The following TMTC1 variants were observed in gnomAD, a reference collection of about 807,000 sequenced individuals.
TMTC1 encodes protein O-mannosyl-transferase TMTC1.
TMTC1 carries 73 observed loss-of-function variants against 104.8 expected under a neutral mutation model. That is an observed-to-expected ratio of 0.70 (90% CI 0.58 to 0.85). The LOEUF is 0.85. Among genes scored for constraint, TMTC1 ranks in the 40% least tolerant of loss-of-function variants. The probability of loss-of-function intolerance (pLI) is 0.00; values close to 1 mark genes in which losing one functional copy is unlikely to be tolerated. For synonymous variants in TMTC1, 434 were observed against 428.7 expected (o/e 1.01, Z -0.15); for missense variants, 1,035 against 1,096.1 (o/e 0.94, Z 0.79).
At chr12:29,766,917 T>A (rs1734953668) in intron 2 of TMTC1, among the ~76,000 whole-genome samples, 1 of 151,642 alleles carries the variant, frequency 6.6e-6, no homozygotes, top group South Asian at 2.1e-4. Context: ...ATGGAATGAT[T>A]AAATAAATAT....
chr12:29,572,584 A>G (rs73071556), intron 8 of TMTC1, among the ~76,000 whole-genome samples: 20,864 of 152,160 alleles, frequency 0.14, 2,013 homozygotes, highest in African/African-American at 0.27. Context: ...GGAGGGTCCA[A>G]TGGTATATCT....
chr12:29,737,827 C>T (rs918192298), intron 5 of TMTC1, among the ~76,000 whole-genome samples: 18 of 152,278 alleles, frequency 1.2e-4, no homozygotes, highest in Admixed American at 7.2e-4. Context: ...TTCCCAAGGG[C>T]GTGGTGACAG....
At chr12:29,776,614 T>C (rs540574669) in intron 1 of TMTC1, among the ~76,000 whole-genome samples, 1 of 152,308 alleles carries the variant, frequency 6.6e-6, no homozygotes, top group South Asian at 2.1e-4. Context: ...AAATCTTGAG[T>C]CCCTACTTTG....
chr12:29,783,623 G>C lies in TMTC1; in HGVS notation c.129C>G (p.Arg43=), dbSNP rs1943889473. The change falls in exon 1 of 18, where the codon CGC becomes CGG. Residue 43 remains arginine (R), a synonymous_variant. Coordinates refer to ENST00000539277, the MANE Select transcript of TMTC1 (RefSeq NM_001193451.2). The surrounding 1 kb of genome is among the most constrained non-coding windows in gnomAD (Gnocchi z 4.7). ...CGTGCACGAACTCGCCCTGCAGGGA[G>C]CGGCCGTAGCACAGGCAGCTTGCCC... ...LAGASCLCYG[R]SLQGEFVHDD... The C allele has an allele frequency of 6.8e-7, 1 of 1,466,822 alleles. No individual in the cohort carries two copies. The highest frequency in any genetic ancestry group is 1.3e-5 in the South Asian group (1 of 76,732). 90.9% of individuals were successfully genotyped at this position (1,466,822 alleles called of 1,614,324 possible). A position where few individuals can be genotyped will look rare whatever the true frequency, so the allele number is the denominator to read the frequency against.
intron 5 of TMTC1, among the ~76,000 whole-genome samples, chr12:29,705,169 C>A (rs1405282774): frequency 2.6e-5 from 4 of 152,256 alleles, no homozygotes; most frequent in Non-Finnish European, 5.9e-5. Context: ...GGGGAGGATG[C>A]TACTGGAGGG....
chr12:29,609,527 A>G (rs1284875423), intron 6 of TMTC1, among the ~76,000 whole-genome samples: 3 of 152,176 alleles, frequency 2.0e-5, no homozygotes, highest in Non-Finnish European at 4.4e-5. Context: ...CCTCCACTTG[A>G]GCAAATCCAG....
At chr12:29,702,910 C>T (rs951351952) in intron 5 of TMTC1, among the ~76,000 whole-genome samples, 1 of 151,926 alleles carries the variant, frequency 6.6e-6, no homozygotes, top group Non-Finnish European at 1.5e-5. Context: ...TTTGGGAGGC[C>T]GAGGCAGGTG....
intron 5 of TMTC1, among the ~76,000 whole-genome samples, chr12:29,737,443 G>T (rs1942708922): frequency 6.6e-6 from 1 of 152,218 alleles, no homozygotes; most frequent in Admixed American, 6.5e-5. Flanking sequence ...GAACCTGGGA[G>T]GCGGGGGTTG....
intron 8 of TMTC1, among the ~76,000 whole-genome samples, chr12:29,577,962 C>G (rs1945869815): frequency 6.6e-6 from 1 of 151,966 alleles, no homozygotes; most frequent in South Asian, 2.1e-4. Context: ...CTTTTTCTAT[C>G]TAGAACTAAA....
intron 5 of TMTC1, among the ~76,000 whole-genome samples, chr12:29,695,209 G>C (rs1941381700): frequency 6.6e-6 from 1 of 152,066 alleles, no homozygotes; most frequent in Non-Finnish European, 1.5e-5. Flanking sequence ...ATTGGATTTG[G>C]GGCCATGGGA....
intron 5 of TMTC1, among the ~76,000 whole-genome samples, chr12:29,674,128 G>C (rs1293058859): frequency 6.6e-6 from 1 of 152,100 alleles, no homozygotes; most frequent in Admixed American, 6.6e-5. Flanking sequence ...ACAACACAGA[G>C]GCAGCTGGTG....
intron 1 of TMTC1, among the ~76,000 whole-genome samples, chr12:29,770,243 T>C (rs1174084197): frequency 2.0e-5 from 3 of 152,352 alleles, no homozygotes; most frequent in East Asian, 3.9e-4. Flanking sequence ...ATGTTACCTA[T>C]ACTCTTATCA....
In TMTC1 at chr12:29,503,613, A is replaced by G. The variant is rs1249002244; in HGVS notation, c.*3233T>C. 1 of 152,190 alleles carries G rather than the reference A, an allele frequency of 6.6e-6. No individual in the cohort carries two copies. The highest frequency in any genetic ancestry group is 1.5e-5 in the Non-Finnish European group (1 of 68,042). 9.4% of individuals were successfully genotyped at this position (152,190 alleles called of 1,614,324 possible). A position where few individuals can be genotyped will look rare whatever the true frequency, so the allele number is the denominator to read the frequency against. On this transcript the variant is annotated 3_prime_UTR_variant, in exon 18 of 18. Transcript: ENST00000539277. ...GAACTCTAAATGTAGCTGGAAAAAA[A>G]TAGCAAATCTGTTCAGAGTAACACA...
At chr12:29,628,589 C>T (rs928374048) in intron 6 of TMTC1, among the ~76,000 whole-genome samples, 1 of 152,172 alleles carries the variant, frequency 6.6e-6, no homozygotes. Flanking sequence ...CTAAAGCCTG[C>T]TACTTGGAGG....
chr12:29,775,045 A>T lies in TMTC1; in HGVS notation c.303-6970T>A, dbSNP rs188980229. 5.3e-3 allele frequency among the ~76,000 whole-genome samples: 805 copies of T among 152,242 alleles called. 8 individuals are homozygous for T. The highest frequency in any genetic ancestry group is 0.018 in the African/African-American group (741 of 41,544). ...ACTAGAGTAATAGTACAGTTATTAG[A>T]GTAATAACTGTACTAAAGAAAGGGT... On this transcript the variant is annotated intron_variant, in intron 1 of 17. Coordinates refer to ENST00000539277, the MANE Select transcript of TMTC1 (RefSeq NM_001193451.2).
At chr12:29,700,328 G>A (rs143881750) in intron 5 of TMTC1, among the ~76,000 whole-genome samples, 3,091 of 151,514 alleles carry the variant, frequency 0.02, 113 homozygotes, top group African/African-American at 0.071. Context: ...CGCCTCCCGG[G>A]TTCACGCCAT....
chr12:29,614,608 T>G (rs992799998), intron 6 of TMTC1, among the ~76,000 whole-genome samples: 1 of 152,206 alleles, frequency 6.6e-6, no homozygotes, highest in African/African-American at 2.4e-5. Context: ...CACACCTATC[T>G]TCATCATTTC....
chr12:29,662,958 C>A (rs987320919), intron 5 of TMTC1, among the ~76,000 whole-genome samples: 21 of 152,180 alleles, frequency 1.4e-4, no homozygotes, highest in African/African-American at 4.6e-4. Flanking sequence ...TTTCATCTTC[C>A]TTAGCTGCCA....
intron 10 of TMTC1, among the ~76,000 whole-genome samples, chr12:29,549,294 T>C (rs1031980898): frequency 2.0e-5 from 3 of 151,864 alleles, no homozygotes; most frequent in East Asian, 1.9e-4. Flanking sequence ...CAAAAATACA[T>C]ACCAAATTAT....
Sources: allele counts gnomAD v4.1 joint callset (sites outside exome capture counted in the v4.1 genomes callset), GRCh38; gene constraint gnomAD v4.1.1; non-coding constraint Gnocchi (gnomAD v3.1); transcripts MANE v1.5; gene names NCBI Gene and HGNC (gene_info 2026-07-23, HGNC 2026-07-21).